Variants in RPH3AL observed in about 807,000 individuals in gnomAD.
RPH3AL encodes rabphilin 3A like (without C2 domains).
RPH3AL carries 38 observed loss-of-function variants against 43.1 expected under a neutral mutation model. That is an observed-to-expected ratio of 0.88 (90% CI 0.68 to 1.15). The LOEUF is 1.15. Ranked by LOEUF, RPH3AL falls within the 50% of genes most tolerant of loss-of-function variation. RPH3AL has a pLI of 0.00. For missense variants in RPH3AL, 462 were observed against 423.2 expected, an observed-to-expected ratio of 1.09 and a Z score of -0.81; for synonymous variants, 189 against 176.3, an observed-to-expected ratio of 1.07 and a Z score of -0.57.
intron 1 of RPH3AL, among the ~76,000 whole-genome samples, chr17:348,177 A>G (rs1168603802): frequency 6.6e-6 from 1 of 152,002 alleles, no homozygotes; most frequent in Non-Finnish European, 1.5e-5. Context: ...AACTACATCT[A>G]TGACATTCTG....
At chr17:296,080 C>A (rs1176272283) in intron 5 of RPH3AL, among the ~76,000 whole-genome samples, 1 of 143,606 alleles carries the variant, frequency 7.0e-6, no homozygotes, top group Non-Finnish European at 1.5e-5. Context: ...AGAGGGAATA[C>A]ACATCAGTGT....
rs563551429 is a variant in RPH3AL at position 316,298 on chromosome 17, C to T, written c.351+3122G>A. 6.0e-5 allele frequency among the ~76,000 whole-genome samples: 9 copies of T among 148,804 alleles called. No individual in the cohort carries two copies. In the South Asian group the frequency reaches 2.0e-3, roughly 33 times the overall value. Reference sequence around the variant, plus strand: ...TCCAGTGATGCGTAGTCTCTGTGCTCCACCTCCATTGACCTGTAGTCCCTG... The same window carrying T: ...TCCAGTGATGCGTAGTCTCTGTGCTTCACCTCCATTGACCTGTAGTCCCTG... On this transcript the variant is annotated intron_variant, in intron 5 of 9. Transcript: ENST00000331302.
Position 309,513 on chromosome 17 carries a change from G to A in RPH3AL, c.351+9907C>T, listed in dbSNP as rs1156530954. Among the ~76,000 whole-genome samples the A allele has an allele frequency of 4.1e-3, 95 of 23,160 alleles. 2 individuals carry two copies. The highest frequency in any genetic ancestry group is 8.6e-3 in the Non-Finnish European group (75 of 8,724). The allele number at this position is 23,160 out of a possible 152,430, so 15.2% of individuals were successfully genotyped here. On this transcript the variant is annotated intron_variant, in intron 5 of 9. Coordinates refer to ENST00000331302, the MANE Select transcript of RPH3AL (RefSeq NM_006987.4). ...GGGTCCGGGATATGGCATGTCCCCC[G>A]CCCTGCCCAGGGCTCCTGCCAGCCC...
At chr17:331,870 T>C in intron 2 of RPH3AL, 1 of 1,289,112 alleles carries the variant, frequency 7.8e-7, no homozygotes, top group Non-Finnish European at 1.0e-6. Flanking sequence ...TACTCAGGTA[T>C]GACCATTTGT....
intron 6 of RPH3AL, among the ~76,000 whole-genome samples, chr17:259,721 G>A (rs961769512): frequency 1.9e-4 from 29 of 152,210 alleles, no homozygotes; most frequent in Non-Finnish European, 3.2e-4. Context: ...GGCGGTGGCC[G>A]GGGTGTCCGG....
intron 6 of RPH3AL, among the ~76,000 whole-genome samples, chr17:276,109 T>G (rs546050001): frequency 1.3e-5 from 2 of 152,270 alleles, no homozygotes; most frequent in African/African-American, 4.8e-5. Context: ...GACGAGACAG[T>G]TGGGAGCACC....
At chr17:280,684 A>G (rs1473358667) in intron 6 of RPH3AL, among the ~76,000 whole-genome samples, 1 of 152,198 alleles carries the variant, frequency 6.6e-6, no homozygotes, top group African/African-American at 2.4e-5. Context: ...AATTGATCTC[A>G]AGGAAAGACT....
intron 5 of RPH3AL, among the ~76,000 whole-genome samples, chr17:307,284 C>T (rs1195478048): frequency 9.2e-6 from 1 of 108,168 alleles, no homozygotes; most frequent in African/African-American, 4.0e-5. Context: ...GTCCATCCCG[C>T]GGCAGGTCCA....
At chr17:253,568 G>A (rs1382678665) in intron 6 of RPH3AL, among the ~76,000 whole-genome samples, 2 of 152,114 alleles carry the variant, frequency 1.3e-5, no homozygotes, top group Non-Finnish European at 2.9e-5. Flanking sequence ...CACCTGAAGT[G>A]CAACCCATCT....
At chr17:270,310 C>G (rs554307534) in intron 6 of RPH3AL, among the ~76,000 whole-genome samples, 1 of 152,338 alleles carries the variant, frequency 6.6e-6, no homozygotes, top group East Asian at 1.9e-4. Context: ...CATGGAGAAA[C>G]AGATGGCAGC....
intron 6 of RPH3AL, among the ~76,000 whole-genome samples, chr17:265,918 C>G (rs1343462442): frequency 1.3e-5 from 2 of 152,224 alleles, no homozygotes; most frequent in African/African-American, 4.8e-5. Flanking sequence ...ACTTCCACCC[C>G]ACAGGGTGAG....
At chr17:326,181 GC>G (rs1317947192) in intron 3 of RPH3AL, among the ~76,000 whole-genome samples, 1 of 152,252 alleles carries the variant, frequency 6.6e-6, no homozygotes, top group Non-Finnish European at 1.5e-5. Context: ...CACTGCGGGG[GC>G]CGCATGAAGG....
At position 235,181 on chromosome 17, in the gene RPH3AL, T is replaced by C. The variant is rs71372169; in HGVS notation, c.613+11930A>G. Among the ~76,000 whole-genome samples the C allele has an allele frequency of 7.0e-4, 96 of 136,336 alleles. No homozygotes were observed. In the Middle Eastern group the frequency reaches 0.012, roughly 18 times the overall value. The allele number at this position is 136,336 out of a possible 152,430, so 89.4% of individuals were successfully genotyped here. On this transcript the variant is annotated intron_variant, in intron 7 of 9. Coordinates refer to ENST00000331302, the MANE Select transcript of RPH3AL (RefSeq NM_006987.4). ...TCAAAGCTGGGGTCAGCTGAGGCTC[T>C]GCAGTAACAAGAGGGATCCCGGGTT...
At position 272,984 on chromosome 17, in the gene RPH3AL, CTACGTCA is replaced by C. The variant is rs1567604465; in HGVS notation, c.438+8777_438+8783del. 8.1e-5 allele frequency among the ~76,000 whole-genome samples: 5 copies of C among 61,896 alleles called. 1 individual carries two copies. The highest frequency in any genetic ancestry group is 2.7e-4 in the African/African-American group (5 of 18,622). 40.6% of individuals were successfully genotyped at this position (61,896 alleles called of 152,430 possible). On this transcript the variant is annotated intron_variant, in intron 6 of 9. Transcript: ENST00000331302. ...CGTCAGGGTGAGACCCCAGCAAGGGCTACGTCAGGGTGAGACCCCAGCGAGGGCGACA... is the reference window on the plus strand; with the variant it reads ...CGTCAGGGTGAGACCCCAGCAAGGGCGGGTGAGACCCCAGCGAGGGCGACA...
intron 5 of RPH3AL, among the ~76,000 whole-genome samples, chr17:298,879 G>C (rs774276476): frequency 1.6e-4 from 24 of 152,136 alleles, no homozygotes; most frequent in Non-Finnish European, 3.4e-4. Context: ...TCCAAGGAGG[G>C]GGACGGCAGG....
At chr17:265,348 G>A (rs1034199382) in intron 6 of RPH3AL, among the ~76,000 whole-genome samples, 2 of 152,044 alleles carry the variant, frequency 1.3e-5, no homozygotes, top group African/African-American at 4.8e-5. Context: ...CTCCCACCTC[G>A]GCCTCTCAAA....
chr17:251,296 G>C (rs1184714259), intron 6 of RPH3AL, among the ~76,000 whole-genome samples: 1 of 152,188 alleles, frequency 6.6e-6, no homozygotes, highest in Non-Finnish European at 1.5e-5. Flanking sequence ...GTATTTATTT[G>C]AATGGGTAAT....
At chr17:350,946 C>G (rs569013291) in intron 1 of RPH3AL, among the ~76,000 whole-genome samples, 2 of 152,312 alleles carry the variant, frequency 1.3e-5, no homozygotes, top group East Asian at 3.9e-4. Context: ...CCAGAACATT[C>G]CATGATAGGC....
intron 6 of RPH3AL, among the ~76,000 whole-genome samples, chr17:253,189 G>T (rs1555543286): frequency 1.3e-5 from 2 of 152,194 alleles, no homozygotes; most frequent in African/African-American, 2.4e-5. Context: ...GCGAACAATG[G>T]AGCTACCCTG....
Sources: allele counts gnomAD v4.1 joint callset (sites outside exome capture counted in the v4.1 genomes callset), GRCh38; gene constraint gnomAD v4.1.1; transcripts MANE v1.5; gene names NCBI Gene and HGNC (gene_info 2026-07-23, HGNC 2026-07-21).